Variants in DYNC2I1 observed in about 807,000 individuals in gnomAD.
DYNC2I1 encodes the protein dynein 2 intermediate chain 1.
In DYNC2I1, 89 loss-of-function variants were observed where a neutral mutation model predicts 133.4. The ratio of observed to expected loss-of-function variants is 0.67; its 90% CI spans 0.56 to 0.80. The LOEUF is 0.80. Among genes scored for constraint, DYNC2I1 ranks in the 30% least tolerant of loss-of-function variants. The probability of loss-of-function intolerance (pLI) is 0.00; values close to 1 mark genes in which losing one functional copy is unlikely to be tolerated. For synonymous variants in DYNC2I1, 504 were observed against 484.3 expected (o/e 1.04, Z -0.54); for missense variants, 1,291 against 1,314.5 (o/e 0.98, Z 0.28).
chr7:158,939,919 A>G (rs1431093797), intron 23 of DYNC2I1, among the ~76,000 whole-genome samples: 1 of 152,238 alleles, frequency 6.6e-6, no homozygotes, highest in Non-Finnish European at 1.5e-5. Flanking sequence ...ATAATGATAC[A>G]GGGGTCAATT....
At chr7:158,913,121 A>C (rs778643811) in intron 13 of DYNC2I1, 25 bp downstream of exon 13, 1 of 1,501,018 alleles carries the variant, frequency 6.7e-7, no homozygotes, top group Non-Finnish European at 9.2e-7. Flanking sequence ...TTGAGTGTTG[A>C]CCATTGACTC....
the DYNC2I1 span, among the ~76,000 whole-genome samples, chr7:158,849,175 G>C: frequency 6.6e-6 from 1 of 152,164 alleles, no homozygotes; most frequent in Admixed American, 6.6e-5. Flanking sequence ...ATGGTCTGTG[G>C]GTAGAGAAGA....
At chr7:158,896,359 T>C (rs192870428) in intron 8 of DYNC2I1, among the ~76,000 whole-genome samples, 1 of 152,390 alleles carries the variant, frequency 6.6e-6, no homozygotes, top group East Asian at 1.9e-4. Flanking sequence ...ATGATTTTTC[T>C]CTTTTAGCCT....
intron 15 of DYNC2I1, among the ~76,000 whole-genome samples, chr7:158,921,840 T>C (rs1369899147): frequency 6.6e-6 from 1 of 152,174 alleles, no homozygotes; most frequent in Non-Finnish European, 1.5e-5. Context: ...TCCATCTCCA[T>C]CTTCTGCTGA....
Position 158,884,593 on chromosome 7 carries a change from C to T in DYNC2I1, c.909C>T (p.Ser303=). 1 of 1,613,266 alleles carries T rather than the reference C, an allele frequency of 6.2e-7. No individual in the cohort carries two copies. The stretch of plus-strand genomic sequence containing the variant: ...GTGAACACAGAAATCGAGGTGCAAG[C>T]TCAAAAAGAGATGGGACCAGCAGCC... ...QNGEHRNRGA[S]SKRDGTSSQH... The change falls in exon 6 of 25, where the codon AGC becomes AGT. Residue 303 remains serine (S), a synonymous_variant. Transcript: ENST00000407559.
intron 1 of DYNC2I1, among the ~76,000 whole-genome samples, chr7:158,860,941 G>T (rs1841820254): frequency 1.3e-5 from 2 of 152,168 alleles, no homozygotes; most frequent in South Asian, 4.1e-4. Context: ...TCCGCTTGTG[G>T]GGTTCCTCCA....
At chr7:158,866,498 G>A (rs1035855298) in intron 1 of DYNC2I1, among the ~76,000 whole-genome samples, 1 of 151,910 alleles carries the variant, frequency 6.6e-6, no homozygotes, top group Non-Finnish European at 1.5e-5. Flanking sequence ...AGTATCCTGG[G>A]CGTCCCCTCT....
intron 19 of DYNC2I1, among the ~76,000 whole-genome samples, chr7:158,926,764 C>T (rs185530179): frequency 1.1e-3 from 167 of 152,240 alleles, no homozygotes; most frequent in African/African-American, 3.8e-3. Flanking sequence ...CTGGAGGATG[C>T]GCCAAGACTG....
chr7:158,937,086 C>T (rs1358339939), intron 23 of DYNC2I1, among the ~76,000 whole-genome samples: 1 of 152,196 alleles, frequency 6.6e-6, no homozygotes, highest in Non-Finnish European at 1.5e-5. Flanking sequence ...GATTTGTGAG[C>T]TCTCTGACCA....
At chr7:158,901,851 A>T in intron 9 of DYNC2I1, 35 bp downstream of exon 9, 1 of 1,428,884 alleles carries the variant, frequency 7.0e-7, no homozygotes, top group Admixed American at 2.5e-5. Flanking sequence ...CTTAGCTTAA[A>T]AATCATTTAT....
intron 8 of DYNC2I1, among the ~76,000 whole-genome samples, chr7:158,897,841 T>C (rs1845892358): frequency 6.6e-6 from 1 of 152,234 alleles, no homozygotes; most frequent in South Asian, 2.1e-4. Flanking sequence ...CTTAGATGAT[T>C]GATTTTAGAT....
chr7:158,896,731 C>T (rs1845791186), intron 8 of DYNC2I1, among the ~76,000 whole-genome samples: 1 of 152,138 alleles, frequency 6.6e-6, no homozygotes, highest in Admixed American at 6.5e-5. Flanking sequence ...CCTTGGCCTC[C>T]CAGAGTGCTG....
intron 1 of DYNC2I1, among the ~76,000 whole-genome samples, chr7:158,858,216 A>T (rs1044639061): frequency 6.6e-6 from 1 of 152,090 alleles, no homozygotes; most frequent in Non-Finnish European, 1.5e-5. Flanking sequence ...TTCTCTTTAC[A>T]TTTCTTTAAG....
upstream of DYNC2I1, among the ~76,000 whole-genome samples, chr7:158,855,812 C>A (rs1204297845): frequency 6.6e-6 from 1 of 152,122 alleles, no homozygotes; most frequent in Non-Finnish European, 1.5e-5. Context: ...TTTTCCCTTA[C>A]GTGTTGTATA....
intron 1 of DYNC2I1, among the ~76,000 whole-genome samples, chr7:158,860,867 T>C (rs1841811740): frequency 6.6e-6 from 1 of 152,240 alleles, no homozygotes; most frequent in Non-Finnish European, 1.5e-5. Context: ...TTTCATTCTG[T>C]TTTTAGAAAG....
intron 7 of DYNC2I1, among the ~76,000 whole-genome samples, chr7:158,888,163 T>C (rs963829697): frequency 6.6e-6 from 1 of 150,636 alleles, no homozygotes; most frequent in South Asian, 2.1e-4. Context: ...TAGCTGGGAC[T>C]ATAGGCATGC....
At position 158,868,103 on chromosome 7, in the gene DYNC2I1, TGAA is replaced by T. The variant is rs1842564747; in HGVS notation, c.16-1746_16-1744del. On this transcript the variant is annotated intron_variant, in intron 1 of 24. Coordinates refer to ENST00000407559, the MANE Select transcript of DYNC2I1 (RefSeq NM_018051.5). ...TGTCAAAAAAACAAAAAGACGATGA[TGAA>T]GAAGAGTGTGACATAGAATCTGGCC... is the stretch of plus-strand genomic sequence containing the variant. Among the ~76,000 whole-genome samples, 3 of 152,088 alleles carry T rather than the reference TGAA, an allele frequency of 2.0e-5. No homozygotes were observed. In the South Asian group the frequency reaches 6.2e-4, roughly 32 times the overall value.
downstream of DYNC2I1, among the ~76,000 whole-genome samples, chr7:158,948,287 C>T (rs1186141182): frequency 6.6e-6 from 1 of 152,260 alleles, no homozygotes; most frequent in Non-Finnish European, 1.5e-5. Flanking sequence ...ACACGGGGGT[C>T]TCCAAGCCCA....
At chr7:158,878,036 C>T (rs973570381) in intron 4 of DYNC2I1, among the ~76,000 whole-genome samples, 11 of 151,076 alleles carry the variant, frequency 7.3e-5, no homozygotes, top group Non-Finnish European at 1.5e-4. Flanking sequence ...GTGGAGGGGC[C>T]AGGAGGGCCG....
Sources: allele counts gnomAD v4.1 joint callset (sites outside exome capture counted in the v4.1 genomes callset), GRCh38; gene constraint gnomAD v4.1.1; transcripts MANE v1.5; gene names NCBI Gene and HGNC (gene_info 2026-07-23, HGNC 2026-07-21).